The following FAM193A variants were observed in gnomAD, a reference collection of about 807,000 sequenced individuals.
FAM193A encodes family with sequence similarity 193 member A.
In FAM193A, 22 loss-of-function variants were observed where a neutral mutation model predicts 126.5. That is an observed-to-expected ratio of 0.17 (90% CI 0.12 to 0.25). FAM193A has a LOEUF of 0.25. FAM193A is among the 10% of genes least tolerant of loss of function. The pLI is 1.00. For synonymous variants in FAM193A, 761 were observed against 646.8 expected (o/e 1.18, Z -2.68); for missense variants, 1,675 against 1,672.8 (o/e 1.00, Z -0.02).
intron 1 of FAM193A, among the ~76,000 whole-genome samples, chr4:2,547,441 G>T (rs757009876): frequency 6.6e-6 from 1 of 151,954 alleles, no homozygotes; most frequent in Non-Finnish European, 1.5e-5. Context: ...TTGTGGAAAT[G>T]GGGTCTCACT....
chr4:2,715,109 T>C (rs1023669968), intron 19 of FAM193A, among the ~76,000 whole-genome samples: 1 of 152,218 alleles, frequency 6.6e-6, no homozygotes, highest in African/African-American at 2.4e-5. Flanking sequence ...CCTGCCTGTT[T>C]TCAAAGATGG....
In FAM193A at chr4:2,575,761, C is replaced by T. The variant is rs115044194; in HGVS notation, c.256-20323C>T. ...GATTACAGACGTGAGCCATCGCGCC[C>T]GGCGAGATACTGGGATTGTAACATT... On this transcript the variant is annotated intron_variant, in intron 1 of 20. Coordinates refer to ENST00000637812, the MANE Select transcript of FAM193A (RefSeq NM_001366318.2). Among the ~76,000 whole-genome samples, 439 of 152,104 alleles carry T rather than the reference C, an allele frequency of 2.9e-3. 1 individual carries two copies. Among genetic ancestry groups the T allele is most frequent in the African/African-American group, 7.9e-3 (329 of 41,522 alleles).
intron 1 of FAM193A, among the ~76,000 whole-genome samples, chr4:2,568,661 T>C (rs906438667): frequency 6.6e-6 from 1 of 152,212 alleles, no homozygotes; most frequent in Non-Finnish European, 1.5e-5. Flanking sequence ...GTGTGTGTTG[T>C]TACCAGGTGT....
intron 2 of FAM193A, among the ~76,000 whole-genome samples, chr4:2,596,981 T>C (rs1414841142): frequency 6.6e-6 from 1 of 152,180 alleles, no homozygotes; most frequent in Middle Eastern, 3.2e-3. Flanking sequence ...GATACCTTGC[T>C]ATGTGCAGCC....
At chr4:2,649,856 C>T (rs2109064786) in intron 7 of FAM193A, among the ~76,000 whole-genome samples, 1 of 152,306 alleles carries the variant, frequency 6.6e-6, no homozygotes, top group South Asian at 2.1e-4. Flanking sequence ...GCCGGTGAGC[C>T]AGTGAAGCCT....
chr4:2,659,956 T>A lies in FAM193A; in HGVS notation c.1647T>A (p.Ser549Arg), dbSNP rs776083440. ...PDYLAERSPP[S>R]VSSASSGSGS... ...ATCTTGCTGAGAGGAGCCCGCCCAGTGTGTCATCTGCAAGCTCGGGGTCCG... is the reference window on the plus strand; with the variant it reads ...ATCTTGCTGAGAGGAGCCCGCCCAGAGTGTCATCTGCAAGCTCGGGGTCCG... The change falls in exon 10 of 21, where the codon AGT becomes AGA. Residue 549 changes from serine to arginine, a missense_variant. Physicochemically the swap from Ser to Arg is moderately radical, Grantham distance 110 (BLOSUM62 -1). Coordinates refer to ENST00000637812, the MANE Select transcript of FAM193A (RefSeq NM_001366318.2). 1.2e-6 allele frequency: 2 copies of A among 1,614,168 alleles called. No individual in the cohort carries two copies. The highest frequency in any genetic ancestry group is 1.7e-5 in the Admixed American group (1 of 60,020).
At position 2,602,959 on chromosome 4, in the gene FAM193A, C is replaced by CTTTTTTTTTTTTTT. The variant is rs71178487; in HGVS notation, c.501+6644_501+6657dup. 8.0e-4 allele frequency among the ~76,000 whole-genome samples: 34 copies of CTTTTTTTTTTTTTT among 42,306 alleles called. 11 individuals carry two copies. The highest frequency in any genetic ancestry group is 3.9e-3 in the African/African-American group (34 of 8,684). 27.8% of individuals were successfully genotyped at this position (42,306 alleles called of 152,430 possible). On this transcript the variant is annotated intron_variant, in intron 2 of 20. Transcript: ENST00000637812. ...ACAAGTGTGAGCCACTGCACCCGGC[C>CTTTTTTTTTTTTTT]TTTTTTTTTTTTTTTTTTTTTTTTT...
intron 20 of FAM193A, among the ~76,000 whole-genome samples, chr4:2,718,556 T>G (rs1719788926): frequency 6.6e-6 from 1 of 151,956 alleles, no homozygotes; most frequent in African/African-American, 2.4e-5. Context: ...AAATCCTGTC[T>G]CTACAAAAAA....
chr4:2,548,607 C>T (rs1737714155), intron 1 of FAM193A, among the ~76,000 whole-genome samples: 1 of 151,594 alleles, frequency 6.6e-6, no homozygotes, highest in Non-Finnish European at 1.5e-5. Flanking sequence ...TAGGGATGTG[C>T]CACCGCGCCT....
chr4:2,731,212 A>C (rs1422111587), intron 20 of FAM193A, among the ~76,000 whole-genome samples: 1 of 106,674 alleles, frequency 9.4e-6, no homozygotes, highest in African/African-American at 2.9e-5. Context: ...AAAAAAAAAA[A>C]AAAAAAAAAA....
rs1421879578 is a variant in FAM193A, at chr4:2,690,959, C to T, written c.2792C>T (p.Pro931Leu). The change falls in exon 15 of 21, where the codon CCT becomes CTT. Residue 931 changes from proline (P) to leucine (L), a missense_variant. Physicochemically the swap from Pro to Leu is moderately conservative, Grantham distance 98. Coordinates refer to ENST00000637812, the MANE Select transcript of FAM193A (RefSeq NM_001366318.2). ...NSQFRVSSKR[P>L]PSVGDVFHGI... ...CAGTTCAGAGTGTCATCCAAGAGACCTCCTTCAGTAGGTAAGGCTTGAAGG... is the reference window on the plus strand; with the variant it reads ...CAGTTCAGAGTGTCATCCAAGAGACTTCCTTCAGTAGGTAAGGCTTGAAGG... The T allele has an allele frequency of 6.2e-6, 10 of 1,612,418 alleles. No individual in the cohort carries two copies. Among genetic ancestry groups the T allele is most frequent in the Non-Finnish European group, 8.5e-6 (10 of 1,178,830 alleles).
chr4:2,703,895 C>A (rs1416536963), intron 19 of FAM193A, among the ~76,000 whole-genome samples: 1 of 150,224 alleles, frequency 6.7e-6, no homozygotes. Context: ...TCGCTGGAGC[C>A]CAGGAGTTTG....
At chr4:2,679,375 C>CTTTCTTTTTTTTTT (rs1233397336) in intron 13 of FAM193A, among the ~76,000 whole-genome samples, 3 of 87,846 alleles carry the variant, frequency 3.4e-5, no homozygotes, top group African/African-American at 1.2e-4. Context: ...AGTTTTCTTT[C>CTTTCTTTTTTTTTT]TTTTTTTTTT....
rs1436092533 is a variant in FAM193A, at chr4:2,607,946, C to A, written c.501+11617C>A. The A allele has an allele frequency of 7.0e-6, 10 of 1,433,130 alleles. No individual in the cohort carries two copies. The East Asian group carries it at 2.2e-4, about 31-fold the overall frequency. The allele number at this position is 1,433,130 out of a possible 1,614,324, so 88.8% of individuals were successfully genotyped here. A position where few individuals can be genotyped will look rare whatever the true frequency, so the allele number is the denominator to read the frequency against. On this transcript the variant is annotated intron_variant, in intron 2 of 20. Transcript: ENST00000637812. The stretch of plus-strand genomic sequence containing the variant: ...TGGTGTCGCTTTATGAACACAGATT[C>A]TTTTCTTTTTTTAACCTTGAGATGC...
At chr4:2,706,900 C>T (rs1044182260) in intron 19 of FAM193A, among the ~76,000 whole-genome samples, 7 of 141,524 alleles carry the variant, frequency 4.9e-5, no homozygotes, top group African/African-American at 1.7e-4. Context: ...GCAGGCGGAT[C>T]ACCTGAGGTC....
At chr4:2,700,660 G>A in intron 19 of FAM193A, 116 bp downstream of exon 19, 4 of 1,309,978 alleles carry the variant, frequency 3.1e-6, no homozygotes, top group South Asian at 1.5e-5. Flanking sequence ...CCTCCCTCCT[G>A]TAGAAAAGAG....
intron 1 of FAM193A, among the ~76,000 whole-genome samples, chr4:2,592,343 C>G (rs1475923240): frequency 6.6e-6 from 1 of 152,172 alleles, no homozygotes; most frequent in South Asian, 2.1e-4. Context: ...CTGCCTCGGC[C>G]TCACAGAGTG....
intron 1 of FAM193A, among the ~76,000 whole-genome samples, chr4:2,560,628 G>A (rs1435895682): frequency 6.6e-6 from 1 of 152,102 alleles, no homozygotes; most frequent in Non-Finnish European, 1.5e-5. Flanking sequence ...GTTAACTGAT[G>A]GTTTTTAATG....
intron 2 of FAM193A, among the ~76,000 whole-genome samples, chr4:2,603,627 T>G (rs1044769411): frequency 1.3e-5 from 2 of 150,902 alleles, no homozygotes; most frequent in Non-Finnish European, 3.0e-5. Context: ...TGACTAATTT[T>G]TTTTTGTATT....
Sources: gnomAD v4.1 joint callset for allele counts (sites outside exome capture counted in the v4.1 genomes callset) on GRCh38, gnomAD v4.1.1 for gene constraint, MANE v1.5 for transcripts, NCBI Gene and HGNC (gene_info 2026-07-23, HGNC 2026-07-21) for gene names.